Variants in ENTPD1 observed in about 807,000 individuals in gnomAD.
ENTPD1 encodes the protein ectonucleoside triphosphate diphosphohydrolase 1.
ENTPD1 carries 33 observed loss-of-function variants against 57.0 expected under a neutral mutation model. The ratio of observed to expected loss-of-function variants is 0.58; its 90% confidence interval spans 0.44 to 0.77. The LOEUF is 0.77. ENTPD1 is among the 30% of genes least tolerant of loss of function. The pLI is 0.00. For synonymous variants in ENTPD1, 202 were observed against 218.8 expected (o/e 0.92, Z 0.68); for missense variants, 501 against 603.4 (o/e 0.83, Z 1.78).
chr10:95,866,729 C>T lies in ENTPD1; in HGVS notation c.*346C>T. ...CTAGAAGAACTGAGAGTCTTGAGTCCTGTGATAGGAGGCTGAGCTGGCTGA... is the reference window on the plus strand; with the variant it reads ...CTAGAAGAACTGAGAGTCTTGAGTCTTGTGATAGGAGGCTGAGCTGGCTGA... On this transcript the variant is annotated 3_prime_UTR_variant, in exon 10 of 10. Coordinates refer to ENST00000371205, the MANE Select transcript of ENTPD1 (RefSeq NM_001776.6). 1 of 1,157,628 alleles carries T rather than the reference C, an allele frequency of 8.6e-7. No individual in the cohort carries two copies. Among genetic ancestry groups the T allele is most frequent in the Non-Finnish European group, 1.1e-6 (1 of 929,398 alleles). The allele number at this position is 1,157,628 out of a possible 1,614,324, so 71.7% of individuals were successfully genotyped here. A position where few individuals can be genotyped will look rare whatever the true frequency, so the allele number is the denominator to read the frequency against.
chr10:95,814,555 AC>A lies in ENTPD1; in HGVS notation c.17-8677del, dbSNP rs1259441500. Reference sequence around the variant, plus strand: ...GATTTGCAGGAAGAGCTTGTTCTGCACCCCCACCCACATCTACACTATCTGG... The same window carrying A: ...GATTTGCAGGAAGAGCTTGTTCTGCACCCCACCCACATCTACACTATCTGG... On this transcript the variant is annotated intron_variant, in intron 1 of 9. Transcript: ENST00000371205. 2.2e-5 allele frequency among the ~76,000 whole-genome samples: 3 copies of A among 136,360 alleles called. No individual in the cohort carries two copies. In the Admixed American group the frequency reaches 2.2e-4, roughly 10 times the overall value. 89.5% of individuals were successfully genotyped at this position (136,360 alleles called of 152,430 possible). A position where few individuals can be genotyped will look rare whatever the true frequency, so the allele number is the denominator to read the frequency against.
chr10:95,746,743 T>C (rs2098006509), intron 1 of ENTPD1, among the ~76,000 whole-genome samples: 1 of 152,228 alleles, frequency 6.6e-6, no homozygotes, highest in Non-Finnish European at 1.5e-5. Context: ...ACAGTGTCCT[T>C]TTCATCTCTG....
At chr10:95,722,385 C>A (rs1329438761) in intron 1 of ENTPD1, among the ~76,000 whole-genome samples, 1 of 151,858 alleles carries the variant, frequency 6.6e-6, no homozygotes, top group African/African-American at 2.4e-5. Context: ...TGCTGGTGTG[C>A]TGCACCCACC....
intron 7 of ENTPD1, among the ~76,000 whole-genome samples, chr10:95,856,193 G>A (rs920375661): frequency 1.3e-5 from 2 of 151,708 alleles, no homozygotes; most frequent in Admixed American, 6.6e-5. Context: ...CATTTCGCTA[G>A]ACCATTCTTA....
At chr10:95,734,616 C>T (rs965196518) in intron 1 of ENTPD1, among the ~76,000 whole-genome samples, 3 of 152,222 alleles carry the variant, frequency 2.0e-5, no homozygotes, top group East Asian at 1.9e-4. Context: ...TTGCTTGCTC[C>T]GATTTCATAA....
chr10:95,724,224 C>G (rs1191697504), intron 1 of ENTPD1, among the ~76,000 whole-genome samples: 2 of 150,414 alleles, frequency 1.3e-5, no homozygotes, highest in South Asian at 4.2e-4. Flanking sequence ...AGTCTTAAGT[C>G]CAGCGGCCAC....
At chr10:95,756,094 C>T (rs2098022113), upstream of ENTPD1, 6 of 1,519,918 alleles carry the variant, frequency 3.9e-6, no homozygotes, top group South Asian at 3.8e-5. Flanking sequence ...CGAAACGGGG[C>T]CGGCTAATTT....
At chr10:95,708,130 G>C (rs1345699486), upstream of ENTPD1, among the ~76,000 whole-genome samples, 1 of 152,066 alleles carries the variant, frequency 6.6e-6, no homozygotes, top group Non-Finnish European at 1.5e-5. Flanking sequence ...GAGGGCCATA[G>C]GTCAGTATCT....
chr10:95,810,957 C>A (rs931778828), intron 1 of ENTPD1, among the ~76,000 whole-genome samples: 1 of 152,108 alleles, frequency 6.6e-6, no homozygotes, highest in Non-Finnish European at 1.5e-5. Flanking sequence ...AGATACTAAT[C>A]AATTTATAAG....
At chr10:95,760,096 A>G (rs2098050202) in intron 1 of ENTPD1, among the ~76,000 whole-genome samples, 1 of 152,194 alleles carries the variant, frequency 6.6e-6, no homozygotes, top group Non-Finnish European at 1.5e-5. Context: ...TTGAGGCTGT[A>G]ATGTGCTATA....
intron 1 of ENTPD1, among the ~76,000 whole-genome samples, chr10:95,777,746 T>A (rs1003129793): frequency 6.6e-6 from 1 of 152,252 alleles, no homozygotes; most frequent in East Asian, 1.9e-4. Context: ...TGTTCAGCTA[T>A]GCCCTGCCCC....
chr10:95,830,941 T>G (rs2098394734), intron 2 of ENTPD1, among the ~76,000 whole-genome samples: 1 of 152,156 alleles, frequency 6.6e-6, no homozygotes, highest in East Asian at 1.9e-4. Context: ...TTCCCAAGAT[T>G]CCTTTTGGCT....
Position 95,864,894 on chromosome 10 carries a change from T to C in ENTPD1, c.1326+33T>C, listed in dbSNP as rs775438409. On this transcript the variant is annotated intron_variant, in intron 9 of 9. Coordinates refer to ENST00000371205, the MANE Select transcript of ENTPD1 (RefSeq NM_001776.6). ...GGGGGCCTGTTGGGCTGGGGGGAGG[T>C]TGGGGTTCGGTGGTAGTGACTGAAG... The C allele has an allele frequency of 7.5e-6, 12 of 1,609,418 alleles. No individual in the cohort carries two copies. In the African/African-American group the frequency reaches 1.1e-4, roughly 14 times the overall value.
Position 95,871,203 on chromosome 10 carries a change from AG to A in ENTPD1, c.*4822del. On this transcript the variant is annotated 3_prime_UTR_variant, in exon 10 of 10. Transcript: ENST00000371205. ...GGCCATGAGTGATTAATTTTAACACAGGAAAAAAGTAAAGCATTAAATGCGA... is the reference window on the plus strand; with the variant it reads ...GGCCATGAGTGATTAATTTTAACACAGAAAAAAGTAAAGCATTAAATGCGA... 1 of 985,500 alleles carries A rather than the reference AG, an allele frequency of 1.0e-6. No individual in the cohort carries two copies. The highest frequency in any genetic ancestry group is 4.7e-5 in the South Asian group (1 of 21,290). The allele number at this position is 985,500 out of a possible 1,614,324, so 61.0% of individuals were successfully genotyped here. A position where few individuals can be genotyped will look rare whatever the true frequency, so the allele number is the denominator to read the frequency against.
intron 1 of ENTPD1, among the ~76,000 whole-genome samples, chr10:95,809,582 C>CA (rs199555578): frequency 0.21 from 25,355 of 118,584 alleles, 4,697 homozygotes; most frequent in Admixed American, 0.34. Flanking sequence ...GGCGCCCCCC[C>CA]ACCTCCCAGA....
chr10:95,785,255 T>A (rs2098174612), intron 1 of ENTPD1: 1 of 152,298 alleles, frequency 6.6e-6, no homozygotes, highest in East Asian at 1.9e-4. Flanking sequence ...TCTGAAAAAA[T>A]GGGAGGTAGA....
At chr10:95,699,175 GA>G in the ENTPD1 span, among the ~76,000 whole-genome samples, 1 of 149,634 alleles carries the variant, frequency 6.7e-6, no homozygotes, top group Non-Finnish European at 1.5e-5. Context: ...TTAAGTAAAG[GA>G]AAAAGGAAAA....
chr10:95,822,381 C>T (rs962795667), intron 1 of ENTPD1, among the ~76,000 whole-genome samples: 20 of 152,044 alleles, frequency 1.3e-4, no homozygotes, highest in South Asian at 4.1e-4. Flanking sequence ...ACCGAAACCT[C>T]TGCCTCCGGG....
At chr10:95,729,108 T>A (rs888606596) in intron 1 of ENTPD1, among the ~76,000 whole-genome samples, 12 of 152,174 alleles carry the variant, frequency 7.9e-5, no homozygotes, top group African/African-American at 2.2e-4. Context: ...ATATATATAT[T>A]TTTTGAAATC....
Sources: gnomAD v4.1 joint callset for allele counts (sites outside exome capture counted in the v4.1 genomes callset) on GRCh38, gnomAD v4.1.1 for gene constraint, MANE v1.5 for transcripts, NCBI Gene and HGNC (gene_info 2026-07-23, HGNC 2026-07-21) for gene names.